The following TTLL7 variants were observed in gnomAD, a reference collection of about 807,000 sequenced individuals.
TTLL7 encodes the protein tubulin polyglutamylase TTLL7.
TTLL7 carries 53 observed loss-of-function variants against 120.2 expected under a neutral mutation model. The observed-to-expected ratio is 0.44, with a 90% CI of 0.35 to 0.55. The LOEUF (loss-of-function observed/expected upper bound fraction) is 0.55, where lower values mean the gene tolerates loss of function less well. TTLL7 is among the 20% of genes least tolerant of loss of function. The probability of loss-of-function intolerance (pLI) is 0.00; values close to 1 mark genes in which losing one functional copy is unlikely to be tolerated. For missense variants in TTLL7, 803 were observed against 1,054.7 expected, an observed-to-expected ratio of 0.76 and a Z score of 3.31; for synonymous variants, 353 against 351.7, an observed-to-expected ratio of 1.00 and a Z score of -0.04.
At chr1:83,964,169 C>T (rs1029453463) in intron 1 of TTLL7, among the ~76,000 whole-genome samples, 1 of 152,106 alleles carries the variant, frequency 6.6e-6, no homozygotes, top group Non-Finnish European at 1.5e-5. Flanking sequence ...CTTTAGCTCA[C>T]TTTAAAATAA....
intron 7 of TTLL7, among the ~76,000 whole-genome samples, chr1:83,938,601 T>G (rs1209954814): frequency 2.0e-5 from 3 of 152,192 alleles, no homozygotes; most frequent in Non-Finnish European, 4.4e-5. Flanking sequence ...CACATAATAC[T>G]GTGCAGGTGT....
At chr1:83,944,030 G>T (rs1449124676) in intron 6 of TTLL7, among the ~76,000 whole-genome samples, 2 of 151,846 alleles carry the variant, frequency 1.3e-5, no homozygotes, top group African/African-American at 2.4e-5. Context: ...TTCACTAAAG[G>T]ATATAAACAG....
intron 1 of TTLL7, among the ~76,000 whole-genome samples, chr1:83,970,824 G>T (rs1650904659): frequency 6.6e-6 from 1 of 151,984 alleles, no homozygotes; most frequent in South Asian, 2.1e-4. Context: ...CCAATAAAGG[G>T]TGTATGATAA....
chr1:83,917,011 G>A (rs1395236076), intron 14 of TTLL7, among the ~76,000 whole-genome samples: 1 of 151,768 alleles, frequency 6.6e-6, no homozygotes, highest in Non-Finnish European at 1.5e-5. Flanking sequence ...TGAGGCAGGA[G>A]GATCACTTGA....
At chr1:83,900,676 C>T (rs766289030) in intron 18 of TTLL7, among the ~76,000 whole-genome samples, 2 of 151,950 alleles carry the variant, frequency 1.3e-5, no homozygotes, top group Non-Finnish European at 2.9e-5. Flanking sequence ...GTGATGAATG[C>T]TTATGTACAA....
chr1:83,914,722 A>G (rs981219814), intron 14 of TTLL7, among the ~76,000 whole-genome samples: 1 of 152,042 alleles, frequency 6.6e-6, no homozygotes, highest in African/African-American at 2.4e-5. Context: ...CATGCTACCA[A>G]TCCCTTTCTT....
At chr1:83,894,594 G>A (rs1007355976) in intron 18 of TTLL7, among the ~76,000 whole-genome samples, 1 of 152,052 alleles carries the variant, frequency 6.6e-6, no homozygotes, top group African/African-American at 2.4e-5. Context: ...CCATATTCTA[G>A]CCCATACATG....
chr1:83,919,765 C>A lies in TTLL7; in HGVS notation c.1434G>T (p.Gln478His), dbSNP rs751910323. The A allele has an allele frequency of 6.2e-7, 1 of 1,613,090 alleles. No homozygotes were observed. The highest frequency in any genetic ancestry group is 2.2e-5 in the East Asian group (1 of 44,800). ...AAGCTGCTCTTCCTGAAAGGAAGGT[C>A]TGAAAGGCAACAGCTAACAAATTTT... Reference protein sequence around the residue: ...KYENLLAVAFQTFLSGRAASF... With the variant: ...KYENLLAVAFHTFLSGRAASF... Residue 478 changes from glutamine (Q) to histidine (H), a missense_variant, in exon 13 of 21, where the codon CAG (glutamine) becomes CAT (histidine). Physicochemically the swap from Gln to His is conservative, Grantham distance 24. This residue lies in a region of TTLL7 where 324 missense variants were observed against 507.7 expected (regional missense o/e 0.64). Coordinates refer to ENST00000260505, the MANE Select transcript of TTLL7 (RefSeq NM_024686.6).
At chr1:83,886,049 T>A (rs867986638) in intron 19 of TTLL7, among the ~76,000 whole-genome samples, 3 of 152,056 alleles carry the variant, frequency 2.0e-5, no homozygotes, top group South Asian at 2.1e-4. Context: ...ATGACTTTTT[T>A]AAGTAATATC....
chr1:83,949,592 C>T (rs1054108054), intron 4 of TTLL7: 13 of 330,386 alleles, frequency 3.9e-5, no homozygotes, highest in East Asian at 1.6e-4. Context: ...TCCCAAAATG[C>T]TGGGATTACA....
At chr1:83,952,088 TA>T in intron 2 of TTLL7, 98 bp downstream of exon 2, 1 of 1,505,938 alleles carries the variant, frequency 6.6e-7, no homozygotes, top group Non-Finnish European at 9.1e-7. Flanking sequence ...CCTGGTACTT[TA>T]AAAAGTCCCC....
At position 83,866,711 on chromosome 1, in the gene TTLL7, T is replaced by G. The variant is rs1446333718; in HGVS notation, c.*3251A>C. On this transcript the variant is annotated 3_prime_UTR_variant, in exon 21 of 21. Coordinates refer to ENST00000260505, the MANE Select transcript of TTLL7 (RefSeq NM_024686.6). The stretch of plus-strand genomic sequence containing the variant: ...ATATTTGATCCTGTTACAACTTCAT[T>G]TTTACATATTTAAGGTAAATGCAAT... 6.6e-6 allele frequency: 1 copy of G among 151,946 alleles called. No homozygotes were observed. 9.4% of individuals were successfully genotyped at this position (151,946 alleles called of 1,614,324 possible).
intron 18 of TTLL7, among the ~76,000 whole-genome samples, chr1:83,898,633 C>CA (rs924982281): frequency 4.1e-5 from 6 of 147,798 alleles, no homozygotes; most frequent in Admixed American, 2.0e-4. Context: ...TATTGTCAGG[C>CA]AAAAAAAAAT....
At chr1:83,925,212 T>C (rs1450273139) in intron 10 of TTLL7, among the ~76,000 whole-genome samples, 3 of 152,214 alleles carry the variant, frequency 2.0e-5, no homozygotes, top group Non-Finnish European at 4.4e-5. Flanking sequence ...AATTTTCCAG[T>C]TAACATTGTC....
Position 83,913,816 on chromosome 1 carries a change from TTTGTTTGGATG to T in TTLL7, c.1588-2464_1588-2454del, listed in dbSNP as rs1657873542. On this transcript the variant is annotated intron_variant, in intron 14 of 20. Transcript: ENST00000260505. Reference sequence around the variant, plus strand: ...CTTCTTCCTCCCAAGAGGTTATAGTTTTGTTTGGATGACAAGCCTTATATAAATGAAACCCA... The same window carrying T: ...CTTCTTCCTCCCAAGAGGTTATAGTTACAAGCCTTATATAAATGAAACCCA... Among the ~76,000 whole-genome samples, 4 of 51,504 alleles carry T rather than the reference TTTGTTTGGATG, an allele frequency of 7.8e-5. No individual in the cohort carries two copies. The South Asian group carries it at 1.5e-3, about 19-fold the overall frequency. 33.8% of individuals were successfully genotyped at this position (51,504 alleles called of 152,430 possible). A position where few individuals can be genotyped will look rare whatever the true frequency, so the allele number is the denominator to read the frequency against.
At chr1:83,930,789 GC>G (rs1272242860) in intron 9 of TTLL7, among the ~76,000 whole-genome samples, 4 of 151,992 alleles carry the variant, frequency 2.6e-5, no homozygotes, top group Admixed American at 2.6e-4. Context: ...ATTGTGCCAG[GC>G]ATATCCCTCC....
Position 83,868,774 on chromosome 1 carries a change from T to C in TTLL7, c.*1188A>G, listed in dbSNP as rs1653093121. ...CCACATGTTAAACCCATCAAAGATATACTTTCCAAATAAAAATGAGTGGTA... is the reference window on the plus strand; with the variant it reads ...CCACATGTTAAACCCATCAAAGATACACTTTCCAAATAAAAATGAGTGGTA... On this transcript the variant is annotated 3_prime_UTR_variant, in exon 21 of 21. Transcript: ENST00000260505. 6.6e-6 allele frequency: 1 copy of C among 152,108 alleles called. No homozygotes were observed. Among genetic ancestry groups the C allele is most frequent in the African/African-American group, 2.4e-5 (1 of 41,434 alleles). 9.4% of individuals were successfully genotyped at this position (152,108 alleles called of 1,614,324 possible).
At chr1:83,951,745 A>G in intron 3 of TTLL7, 100 bp downstream of exon 3, 1 of 1,345,914 alleles carries the variant, frequency 7.4e-7, no homozygotes, top group South Asian at 1.6e-5. Flanking sequence ...CCATTATATA[A>G]AAGATAAGTT....
intron 1 of TTLL7, among the ~76,000 whole-genome samples, chr1:83,971,725 T>C (rs758402178): frequency 1.3e-5 from 2 of 152,010 alleles, no homozygotes; most frequent in Non-Finnish European, 2.9e-5. Context: ...GGCACATAAT[T>C]CTTGGTTCTC....
Sources: gnomAD v4.1 joint callset for allele counts (sites outside exome capture counted in the v4.1 genomes callset) on GRCh38, gnomAD v4.1.1 for gene constraint, gnomAD v4.1.1 regional missense constraint, MANE v1.5 for transcripts, NCBI Gene and HGNC (gene_info 2026-07-23, HGNC 2026-07-21) for gene names.